The following CLYBL variants were observed in gnomAD, a reference collection of about 807,000 sequenced individuals.
The protein encoded by CLYBL is citramalyl-CoA lyase, mitochondrial.
CLYBL carries 31 observed loss-of-function variants against 38.9 expected under a neutral mutation model. That is an observed-to-expected ratio of 0.80 (90% CI 0.60 to 1.08). The LOEUF (loss-of-function observed/expected upper bound fraction) is 1.08, where lower values mean the gene tolerates loss of function less well. Among genes scored for constraint, CLYBL ranks in the 50% least tolerant of loss-of-function variants. CLYBL has a pLI of 0.00. For missense variants in CLYBL, 434 were observed against 411.6 expected (o/e 1.05, Z -0.47); for synonymous variants, 171 against 158.6 (o/e 1.08, Z -0.59).
intron 2 of CLYBL, among the ~76,000 whole-genome samples, chr13:99,829,795 A>G (rs1301271206): frequency 5.3e-5 from 8 of 152,184 alleles, no homozygotes; most frequent in Non-Finnish European, 1.2e-4. Context: ...AGCTGATTAG[A>G]GCCTTGCAGC....
rs1341088122 is a variant in CLYBL, at chr13:99,879,437, G to A, written c.927+8375G>A. 3.3e-5 allele frequency among the ~76,000 whole-genome samples: 5 copies of A among 152,068 alleles called. No homozygotes were observed. In the East Asian group the frequency reaches 9.6e-4, roughly 29 times the overall value. On this transcript the variant is annotated intron_variant, in intron 7 of 8. Coordinates refer to ENST00000339105, the MANE Select transcript of CLYBL (RefSeq NM_206808.5). ...CTGGTCCATCATCTGCTGAAAGAAC[G>A]GTGTCCTGCGTTTCAGTACCTCCTC...
chr13:99,858,380 G>A (rs1397406758), intron 2 of CLYBL, among the ~76,000 whole-genome samples: 2 of 152,170 alleles, frequency 1.3e-5, no homozygotes, highest in Non-Finnish European at 2.9e-5. Context: ...CATGATGCCT[G>A]TGGAAAAAGA....
intron 1 of CLYBL, among the ~76,000 whole-genome samples, chr13:99,750,198 C>T (rs185008731): frequency 1.7e-4 from 25 of 151,080 alleles, no homozygotes; most frequent in Non-Finnish European, 2.8e-4. Flanking sequence ...CCTGCGACCC[C>T]CTCAGCCCCC....
chr13:99,904,045 T>TAAAAAAAAAAAAAAAAAAAAAAAAAA (rs57462379), intron 8 of CLYBL, among the ~76,000 whole-genome samples: 1 of 143,714 alleles, frequency 7.0e-6, no homozygotes, highest in African/African-American at 2.6e-5. Flanking sequence ...ACCCCTCTCT[T>TAAAAAAAAAAAAAAAAAAAAAAAAAA]AAAAAAAAAA....
intron 2 of CLYBL, among the ~76,000 whole-genome samples, chr13:99,828,678 G>A (rs1241564155): frequency 1.3e-5 from 2 of 152,074 alleles, no homozygotes; most frequent in African/African-American, 2.4e-5. Context: ...ATAACTACAA[G>A]GAAAGGCATG....
intron 2 of CLYBL, among the ~76,000 whole-genome samples, chr13:99,811,258 A>T (rs1000191309): frequency 8.5e-5 from 13 of 152,210 alleles, no homozygotes; most frequent in Admixed American, 7.9e-4. Context: ...AGTGCCCATT[A>T]TCCAGGTAAG....
At chr13:99,767,050 G>A (rs137903557) in intron 1 of CLYBL, among the ~76,000 whole-genome samples, 2 of 152,200 alleles carry the variant, frequency 1.3e-5, no homozygotes, top group African/African-American at 2.4e-5. Flanking sequence ...GGCAGAGCAG[G>A]CCTCCTGCCA....
chr13:99,692,377 C>T (rs560534556), intron 1 of CLYBL, among the ~76,000 whole-genome samples: 16 of 151,930 alleles, frequency 1.1e-4, no homozygotes, highest in Admixed American at 3.3e-4. Context: ...CTGCAAGCTC[C>T]GCCTCCCGGG....
At chr13:99,733,804 G>A (rs932217437) in intron 1 of CLYBL, among the ~76,000 whole-genome samples, 11 of 152,230 alleles carry the variant, frequency 7.2e-5, no homozygotes, top group Non-Finnish European at 1.5e-4. Context: ...CCATGTGAAA[G>A]GTGGGGAGCA....
At chr13:99,858,234 A>C (rs561837799) in intron 2 of CLYBL, among the ~76,000 whole-genome samples, 42 of 152,344 alleles carry the variant, frequency 2.8e-4, no homozygotes, top group South Asian at 1.9e-3. Context: ...CAAGCACTTC[A>C]TGAAGGGATT....
chr13:99,906,580 C>T (rs190939635), intron 9 of CLYBL, among the ~76,000 whole-genome samples: 3 of 152,160 alleles, frequency 2.0e-5, no homozygotes, highest in African/African-American at 4.8e-5. Context: ...CCTGCCACCA[C>T]ACCCAGCTAA....
At chr13:99,824,979 C>G (rs555697731) in intron 2 of CLYBL, among the ~76,000 whole-genome samples, 3 of 152,318 alleles carry the variant, frequency 2.0e-5, no homozygotes, top group African/African-American at 7.2e-5. Flanking sequence ...AGGCCTCCCA[C>G]TGATTTCCAA....
chr13:99,692,277 G>GTTTTTTTTTTT (rs113949110), intron 1 of CLYBL, among the ~76,000 whole-genome samples: 1 of 121,948 alleles, frequency 8.2e-6, no homozygotes, highest in African/African-American at 2.6e-5. Context: ...GTTCACATTT[G>GTTTTTTTTTTT]TTTTTTTTGT....
chr13:99,616,695 C>T (rs1337700560), intron 1 of CLYBL, among the ~76,000 whole-genome samples: 3 of 152,202 alleles, frequency 2.0e-5, no homozygotes, highest in Non-Finnish European at 2.9e-5. Flanking sequence ...GTGGCTCACA[C>T]CTGTAATTCC....
At chr13:99,905,032 C>T (rs2052681331) in intron 8 of CLYBL, among the ~76,000 whole-genome samples, 1 of 151,908 alleles carries the variant, frequency 6.6e-6, no homozygotes, top group African/African-American at 2.4e-5. Context: ...TTGCCTCTTT[C>T]CCCACAGGGC....
chr13:99,750,558 C>T (rs1791434363), intron 1 of CLYBL, among the ~76,000 whole-genome samples: 1 of 151,852 alleles, frequency 6.6e-6, no homozygotes, highest in East Asian at 1.9e-4. Flanking sequence ...CCTGTAATCC[C>T]AGCTACTCGG....
intron 2 of CLYBL, among the ~76,000 whole-genome samples, chr13:99,805,594 G>A (rs2050216729): frequency 6.6e-6 from 1 of 151,950 alleles, no homozygotes; most frequent in Admixed American, 6.6e-5. Context: ...TGGGGGAGGG[G>A]ACTCAGAGGG....
chr13:99,700,118 C>G (rs1185985512), intron 1 of CLYBL, among the ~76,000 whole-genome samples: 1 of 152,170 alleles, frequency 6.6e-6, no homozygotes, highest in Non-Finnish European at 1.5e-5. Context: ...CTTCTCTTCT[C>G]CTTCACTGGA....
chr13:99,607,151 A>C (rs1354813944), intron 1 of CLYBL, among the ~76,000 whole-genome samples: 2 of 152,188 alleles, frequency 1.3e-5, no homozygotes, highest in African/African-American at 2.4e-5. Context: ...ACCCGTTTAC[A>C]CGTCTAAAAA....
Sources: allele counts gnomAD v4.1 joint callset (sites outside exome capture counted in the v4.1 genomes callset), GRCh38; gene constraint gnomAD v4.1.1; transcripts MANE v1.5; gene names NCBI Gene and HGNC (gene_info 2026-07-23, HGNC 2026-07-21).